TNNI3K: variants seen among roughly 807,000 people sequenced by gnomAD.
TNNI3K encodes TNNI3 interacting kinase, also known as serine/threonine-protein kinase TNNI3K.
Under a neutral mutation model 114.5 loss-of-function variants are expected in TNNI3K, and 140 were observed. That is an observed-to-expected ratio of 1.22 (90% CI 1.07 to 1.41). The LOEUF (loss-of-function observed/expected upper bound fraction) is 1.41. TNNI3K is among the 40% of genes most tolerant of loss of function. TNNI3K has a pLI of 0.00. For missense variants in TNNI3K, 1,125 were observed against 1,007.6 expected, an observed-to-expected ratio of 1.12 and a Z score of -1.58; for synonymous variants, 347 against 347.5, an observed-to-expected ratio of 1.00 and a Z score of 0.02.
chr1:74,509,004 C>T (rs532627376), intron 23 of TNNI3K, among the ~76,000 whole-genome samples: 33 of 152,304 alleles, frequency 2.2e-4, no homozygotes, highest in Admixed American at 9.2e-4. Flanking sequence ...GTTCTACCCA[C>T]GGATGGATAA....
intron 21 of TNNI3K, chr1:74,475,952 T>C (rs1256138314): frequency 4.5e-6 from 2 of 448,146 alleles, no homozygotes; most frequent in Non-Finnish European, 7.9e-6. Flanking sequence ...TTTGGAAAAA[T>C]ATCAGTCCAG....
At chr1:74,402,862 T>G (rs1664438647) in intron 17 of TNNI3K, among the ~76,000 whole-genome samples, 1 of 152,162 alleles carries the variant, frequency 6.6e-6, no homozygotes, top group Non-Finnish European at 1.5e-5. Flanking sequence ...CTTAAAACAT[T>G]ATGAGTTTTT....
intron 23 of TNNI3K, among the ~76,000 whole-genome samples, chr1:74,523,186 T>C (rs1401978573): frequency 6.6e-6 from 1 of 152,160 alleles, no homozygotes; most frequent in Non-Finnish European, 1.5e-5. Flanking sequence ...ATAATACCGA[T>C]ACCACACAGT....
intron 20 of TNNI3K, among the ~76,000 whole-genome samples, chr1:74,453,673 A>G (rs182354198): frequency 3.7e-4 from 56 of 152,272 alleles, no homozygotes; most frequent in African/African-American, 1.3e-3. Flanking sequence ...CACATGTTCA[A>G]ATTAACCTGT....
At chr1:74,270,468 T>A (rs1271142609) in intron 4 of TNNI3K, among the ~76,000 whole-genome samples, 1 of 151,830 alleles carries the variant, frequency 6.6e-6, no homozygotes, top group Non-Finnish European at 1.5e-5. Flanking sequence ...GATGCAATAT[T>A]TATTTCACTT....
At chr1:74,454,180 A>G (rs1667137552) in intron 20 of TNNI3K, among the ~76,000 whole-genome samples, 2 of 152,098 alleles carry the variant, frequency 1.3e-5, no homozygotes, top group Admixed American at 6.5e-5. Flanking sequence ...AATAATAGGG[A>G]TATCTGACTT....
At chr1:74,422,285 A>C (rs555520124) in intron 17 of TNNI3K, among the ~76,000 whole-genome samples, 2 of 151,964 alleles carry the variant, frequency 1.3e-5, no homozygotes, top group Non-Finnish European at 2.9e-5. Flanking sequence ...TTTTTTATTT[A>C]TATCCTATTA....
chr1:74,353,022 A>G (rs762032002), intron 9 of TNNI3K, among the ~76,000 whole-genome samples: 2 of 152,186 alleles, frequency 1.3e-5, no homozygotes, highest in Non-Finnish European at 2.9e-5. Flanking sequence ...GGAAATGCAG[A>G]AATCACCCAT....
intron 4 of TNNI3K, among the ~76,000 whole-genome samples, chr1:74,268,312 C>T (rs207460212): frequency 6.6e-6 from 1 of 151,926 alleles, no homozygotes; most frequent in South Asian, 2.1e-4. Context: ...TATCTCAAGA[C>T]TAATCATGCC....
At chr1:74,382,658 G>T (rs1410592828) in intron 17 of TNNI3K, among the ~76,000 whole-genome samples, 2 of 152,142 alleles carry the variant, frequency 1.3e-5, no homozygotes, top group Admixed American at 1.3e-4. Flanking sequence ...CTTTAATCCT[G>T]GATGGATGGT....
intron 17 of TNNI3K, among the ~76,000 whole-genome samples, chr1:74,423,337 C>T (rs1247541465): frequency 6.6e-6 from 1 of 152,090 alleles, no homozygotes; most frequent in Admixed American, 6.6e-5. Context: ...ATTCTCCTTA[C>T]TTCCACTAAA....
intron 17 of TNNI3K, chr1:74,378,557 G>C (rs1249239827): frequency 7.8e-6 from 1 of 128,660 alleles, no homozygotes; most frequent in African/African-American, 2.9e-5. Flanking sequence ...CCAGGCATTA[G>C]CATGGCACAC....
chr1:74,385,291 AT>A (rs1244748755), intron 17 of TNNI3K, among the ~76,000 whole-genome samples: 1 of 152,164 alleles, frequency 6.6e-6, no homozygotes. Context: ...TGACAGAAAT[AT>A]TTTTTGTATT....
intron 5 of TNNI3K, among the ~76,000 whole-genome samples, chr1:74,309,366 C>CA (rs71078188): frequency 0.021 from 509 of 24,098 alleles, 47 homozygotes; most frequent in African/African-American, 0.086. Flanking sequence ...GACTCTGTCT[C>CA]AAAAAAAAAA....
intron 21 of TNNI3K, chr1:74,475,843 C>G: frequency 1.8e-6 from 1 of 540,834 alleles, no homozygotes; most frequent in Admixed American, 3.4e-5. Flanking sequence ...TAAAAGATAA[C>G]ATCTTGGGAA....
intron 23 of TNNI3K, among the ~76,000 whole-genome samples, chr1:74,516,879 T>C (rs895045008): frequency 1.3e-5 from 2 of 152,164 alleles, no homozygotes; most frequent in Non-Finnish European, 2.9e-5. Context: ...TATTGCCAGT[T>C]CACAAAAATG....
At chr1:74,440,595 A>G (rs1666334269) in intron 20 of TNNI3K, among the ~76,000 whole-genome samples, 2 of 151,930 alleles carry the variant, frequency 1.3e-5, no homozygotes, top group Admixed American at 1.3e-4. Context: ...AACCTACCAT[A>G]TGGTCTTTTA....
chr1:74,291,757 A>G (rs190834100), intron 5 of TNNI3K, among the ~76,000 whole-genome samples: 196 of 151,550 alleles, frequency 1.3e-3, no homozygotes, highest in Non-Finnish European at 2.2e-3. Context: ...GATATTTTAA[A>G]TTATTATCTT....
intron 23 of TNNI3K, among the ~76,000 whole-genome samples, chr1:74,514,095 A>T (rs574873162): frequency 1.3e-5 from 2 of 152,214 alleles, no homozygotes; most frequent in Non-Finnish European, 2.9e-5. Flanking sequence ...AGCCAAATTT[A>T]CCCAGGCACA....
Sources: gnomAD v4.1 joint callset for allele counts (sites outside exome capture counted in the v4.1 genomes callset) on GRCh38, gnomAD v4.1.1 for gene constraint, MANE v1.5 for transcripts, NCBI Gene and HGNC (gene_info 2026-07-23, HGNC 2026-07-21) for gene names.